RGL1: variants seen among roughly 807,000 people sequenced by gnomAD.
The protein encoded by RGL1 is ral guanine nucleotide dissociation stimulator like 1.
In RGL1, 24 loss-of-function variants were observed where a neutral mutation model predicts 95.2. That is an observed-to-expected ratio of 0.25 (90% CI 0.18 to 0.35). The LOEUF is 0.35. Among genes scored for constraint, RGL1 ranks in the 10% least tolerant of loss-of-function variants. The pLI, the probability that RGL1 is intolerant of heterozygous loss-of-function variation, is 1.00. For synonymous variants in RGL1, 329 were observed against 344.9 expected (o/e 0.95, Z 0.51); for missense variants, 715 against 936.3 (o/e 0.76, Z 3.08).
At chr1:183,852,950 A>C (rs1664916224) in intron 3 of RGL1, among the ~76,000 whole-genome samples, 1 of 152,210 alleles carries the variant, frequency 6.6e-6, no homozygotes, top group Admixed American at 6.5e-5. Flanking sequence ...ACAAGTATCT[A>C]GAGTTTTCTT....
intron 2 of RGL1, among the ~76,000 whole-genome samples, chr1:183,767,823 T>G (rs1382502154): frequency 6.6e-6 from 1 of 151,970 alleles, no homozygotes; most frequent in Non-Finnish European, 1.5e-5. Flanking sequence ...TGTGGTGGTG[T>G]ACACCTGGAA....
At chr1:183,877,179 G>T (rs903669651) in intron 4 of RGL1, among the ~76,000 whole-genome samples, 2 of 152,174 alleles carry the variant, frequency 1.3e-5, no homozygotes, top group South Asian at 4.1e-4. Context: ...CTTGGTCTGT[G>T]TACAGAACCA....
chr1:183,739,061 C>G (rs1201082980), intron 1 of RGL1, among the ~76,000 whole-genome samples: 2 of 152,152 alleles, frequency 1.3e-5, no homozygotes, highest in African/African-American at 4.8e-5. Flanking sequence ...TTTAAGGTAG[C>G]AACAGCAAAG....
intron 1 of RGL1, among the ~76,000 whole-genome samples, chr1:183,729,087 A>G (rs1656475846): frequency 6.6e-6 from 1 of 152,198 alleles, no homozygotes; most frequent in South Asian, 2.1e-4. Flanking sequence ...AAACATAAAA[A>G]GTATAAAAAA....
At chr1:183,713,961 T>C (rs919120007) in intron 1 of RGL1, among the ~76,000 whole-genome samples, 1 of 152,158 alleles carries the variant, frequency 6.6e-6, no homozygotes, top group African/African-American at 2.4e-5. Flanking sequence ...AACCTCCTAT[T>C]AGGAGTGATC....
chr1:183,887,878 G>T (rs564763794), intron 7 of RGL1, among the ~76,000 whole-genome samples: 7 of 152,292 alleles, frequency 4.6e-5, no homozygotes, highest in Admixed American at 2.0e-4. Context: ...GAAGTACCAA[G>T]GTGTTTTTGA....
At chr1:183,871,027 T>C (rs778450862) in intron 4 of RGL1, among the ~76,000 whole-genome samples, 12 of 152,236 alleles carry the variant, frequency 7.9e-5, no homozygotes, top group Non-Finnish European at 1.6e-4. Flanking sequence ...AAATGAGTGC[T>C]TGGAGTAAAT....
At position 183,840,321 on chromosome 1, in the gene RGL1, T is replaced by G. The variant is rs553120469; in HGVS notation, c.139-7245T>G. ...GGGTTCTAGTTTCTATGACTCACCT[T>G]GGGAAGGAGGAATCCTGGTTTCTAT... On this transcript the variant is annotated intron_variant, in intron 2 of 17. Coordinates refer to ENST00000360851, the MANE Select transcript of RGL1 (RefSeq NM_001297671.3). Among the ~76,000 whole-genome samples the G allele has an allele frequency of 9.2e-5, 14 of 152,256 alleles. No individual in the cohort carries two copies. The South Asian group carries it at 2.9e-3, about 32-fold the overall frequency.
chr1:183,732,974 A>G (rs1339903358), intron 1 of RGL1, among the ~76,000 whole-genome samples: 1 of 152,204 alleles, frequency 6.6e-6, no homozygotes, highest in Non-Finnish European at 1.5e-5. Flanking sequence ...TCACTCTAAA[A>G]TAATGCGAGG....
intron 2 of RGL1, among the ~76,000 whole-genome samples, chr1:183,793,160 A>T (rs1186526462): frequency 6.6e-6 from 1 of 152,214 alleles, no homozygotes; most frequent in Non-Finnish European, 1.5e-5. Flanking sequence ...CTGGCTTTTG[A>T]CAAAAGCACA....
At chr1:183,742,028 T>C in intron 1 of RGL1, 2 of 861,496 alleles carry the variant, frequency 2.3e-6, no homozygotes, top group Non-Finnish European at 3.6e-6. Context: ...TCTTTAATGG[T>C]CTCACTAGTC....
At chr1:183,754,901 G>A (rs1165195823) in intron 2 of RGL1, 1 of 152,186 alleles carries the variant, frequency 6.6e-6, no homozygotes, top group African/African-American at 2.4e-5. Context: ...TGTGGGTTCT[G>A]CTTTCATTTA....
intron 1 of RGL1, among the ~76,000 whole-genome samples, chr1:183,708,376 C>T (rs10911420): frequency 0.66 from 99,926 of 152,002 alleles, 33,494 homozygotes; most frequent in East Asian, 0.91. Context: ...CTGATCTCTC[C>T]CAAATTAACA....
rs1265440395 is a variant in RGL1 at position 183,925,491 on chromosome 1, TATAAA to T, written c.2120-608_2120-604del. Among the ~76,000 whole-genome samples, 5 of 152,294 alleles carry T rather than the reference TATAAA, an allele frequency of 3.3e-5. No individual in the cohort carries two copies. In the South Asian group the frequency reaches 8.3e-4, roughly 25 times the overall value. The stretch of plus-strand genomic sequence containing the variant: ...TATCCCAGAACTTAAAGTAAAATAC[TATAAA>T]ATAAAGATATGCACGTTCAGCACAT... On this transcript the variant is annotated intron_variant, in intron 17 of 17. Coordinates refer to ENST00000360851, the MANE Select transcript of RGL1 (RefSeq NM_001297671.3).
chr1:183,859,833 A>G (rs1338750492), intron 3 of RGL1, among the ~76,000 whole-genome samples: 1 of 152,206 alleles, frequency 6.6e-6, no homozygotes, highest in East Asian at 1.9e-4. Context: ...TCACAGTGGT[A>G]ACAAGACCTT....
At chr1:183,677,840 C>T (rs141354683) in intron 1 of RGL1, among the ~76,000 whole-genome samples, 36 of 152,224 alleles carry the variant, frequency 2.4e-4, no homozygotes, top group African/African-American at 7.7e-4. Context: ...GGTAGTGAGG[C>T]GGAGAGCTGG....
At chr1:183,732,962 G>T (rs1013927197) in intron 1 of RGL1, among the ~76,000 whole-genome samples, 1 of 152,220 alleles carries the variant, frequency 6.6e-6, no homozygotes, top group African/African-American at 2.4e-5. Context: ...AAACCTTTTG[G>T]TTCACTCTAA....
intron 15 of RGL1, among the ~76,000 whole-genome samples, chr1:183,914,532 AGCCTGTGACAGCC>A (rs1260991363): frequency 6.6e-6 from 1 of 152,142 alleles, no homozygotes; most frequent in Non-Finnish European, 1.5e-5. Flanking sequence ...CTGACCTGAG[AGCCTGTGACAGCC>A]GCCTTCTCCA....
intron 6 of RGL1, 60 bp downstream of exon 6, chr1:183,883,970 C>T: frequency 6.4e-7 from 1 of 1,574,022 alleles, no homozygotes; most frequent in Non-Finnish European, 8.7e-7. Flanking sequence ...AGTGATGGCA[C>T]TGGTGCCCCG....
Sources: allele counts gnomAD v4.1 joint callset (sites outside exome capture counted in the v4.1 genomes callset), GRCh38; gene constraint gnomAD v4.1.1; transcripts MANE v1.5; gene names NCBI Gene and HGNC (gene_info 2026-07-23, HGNC 2026-07-21).